The following LSAMP variants were observed in gnomAD, a reference collection of about 807,000 sequenced individuals.
LSAMP encodes the protein limbic system-associated membrane protein.
A neutral mutation model predicts 38.6 loss-of-function variants in LSAMP; 7 were observed. The observed-to-expected ratio is 0.18, with a 90% CI of 0.10 to 0.34. The LOEUF is 0.34. Among genes scored for constraint, LSAMP ranks in the 10% least tolerant of loss-of-function variants. The pLI is 1.00. For missense variants in LSAMP, 313 were observed against 420.0 expected, an observed-to-expected ratio of 0.75 and a Z score of 2.23; for synonymous variants, 154 against 166.8, an observed-to-expected ratio of 0.92 and a Z score of 0.59.
intron 1 of LSAMP, among the ~76,000 whole-genome samples, chr3:116,341,139 T>A (rs1356737070): frequency 1.3e-5 from 2 of 151,994 alleles, no homozygotes; most frequent in African/African-American, 4.8e-5. Flanking sequence ...ATAGATAAAA[T>A]GGAGTCTCTA....
chr3:115,875,790 G>T (rs566642016), intron 3 of LSAMP, among the ~76,000 whole-genome samples: 43 of 152,040 alleles, frequency 2.8e-4, no homozygotes, highest in Middle Eastern at 3.4e-3. Context: ...CCATCTACAT[G>T]AACACAAGCT....
intron 1 of LSAMP, among the ~76,000 whole-genome samples, chr3:116,299,422 CACTG>C (rs1276427288): frequency 3.3e-5 from 5 of 152,226 alleles, no homozygotes; most frequent in Non-Finnish European, 5.9e-5. Context: ...TTTCAATATC[CACTG>C]ACTGACTGAG....
chr3:116,402,697 G>C (rs893358337), intron 1 of LSAMP, among the ~76,000 whole-genome samples: 1 of 151,780 alleles, frequency 6.6e-6, no homozygotes, highest in Non-Finnish European at 1.5e-5. Context: ...TGACTGGGCT[G>C]ATTTATTCAG....
chr3:116,408,604 T>C (rs1001723985), intron 1 of LSAMP, among the ~76,000 whole-genome samples: 1 of 152,050 alleles, frequency 6.6e-6, no homozygotes, highest in African/African-American at 2.4e-5. Context: ...AAAATAGGCA[T>C]GTAATCCTCA....
chr3:116,097,856 C>T (rs1708258375), intron 1 of LSAMP, among the ~76,000 whole-genome samples: 3 of 151,986 alleles, frequency 2.0e-5, no homozygotes, highest in South Asian at 2.1e-4. Context: ...CTGCCTCAGC[C>T]TCACAAGTAG....
intron 1 of LSAMP, among the ~76,000 whole-genome samples, chr3:116,291,118 T>TTTGTCTC (rs936018561): frequency 6.6e-6 from 1 of 152,230 alleles, no homozygotes; most frequent in Non-Finnish European, 1.5e-5. Flanking sequence ...CTTGTTCCTC[T>TTTGTCTC]TTGTCTCCTT....
At chr3:116,164,760 A>ATATATATATTT (rs374542146) in intron 1 of LSAMP, among the ~76,000 whole-genome samples, 1 of 91,642 alleles carries the variant, frequency 1.1e-5, no homozygotes, top group Non-Finnish European at 2.0e-5. Context: ...ATATATATAT[A>ATATATATATTT]TTTTTTTTTT....
chr3:116,261,204 T>C (rs563868979), intron 1 of LSAMP, among the ~76,000 whole-genome samples: 1 of 152,320 alleles, frequency 6.6e-6, no homozygotes, highest in African/African-American at 2.4e-5. Context: ...TTTATTCTTC[T>C]AATCTTTCCT....
intron 1 of LSAMP, among the ~76,000 whole-genome samples, chr3:116,442,132 C>CAAT (rs1559869656): frequency 1.3e-5 from 2 of 151,958 alleles, no homozygotes; most frequent in Admixed American, 1.3e-4. Context: ...CATAATTACA[C>CAAT]TAAAGATCAT....
intron 1 of LSAMP, among the ~76,000 whole-genome samples, chr3:116,143,208 C>A (rs1920368): frequency 0.97 from 147,472 of 151,832 alleles, 71,763 homozygotes; most frequent in East Asian, 1. Context: ...TTCTGAATAA[C>A]GTGATTAAAA....
intron 1 of LSAMP, among the ~76,000 whole-genome samples, chr3:116,172,597 T>C (rs1559769527): frequency 6.6e-6 from 1 of 152,058 alleles, no homozygotes; most frequent in African/African-American, 2.4e-5. Context: ...AGAAAGATGG[T>C]AGCAATGTTG....
chr3:116,214,418 G>A (rs1410914660), intron 1 of LSAMP, among the ~76,000 whole-genome samples: 7 of 151,692 alleles, frequency 4.6e-5, no homozygotes, highest in Non-Finnish European at 1.0e-4. Context: ...AAAAAGCCAG[G>A]AATCAGGTTA....
chr3:116,275,051 AAAATAAATAAAT>A (rs151230549), intron 1 of LSAMP, among the ~76,000 whole-genome samples: 54 of 151,790 alleles, frequency 3.6e-4, no homozygotes, highest in Non-Finnish European at 3.5e-4. Flanking sequence ...AAAGGATTTA[AAAATAAATAAAT>A]AAATAAATAA....
At position 116,250,264 on chromosome 3, in the gene LSAMP, G is replaced by T. The variant is rs376311099; in HGVS notation, c.156-163708C>A. 1.1e-4 allele frequency among the ~76,000 whole-genome samples: 16 copies of T among 152,208 alleles called. No individual in the cohort carries two copies. The East Asian group carries it at 2.9e-3, about 28-fold the overall frequency. On this transcript the variant is annotated intron_variant, in intron 1 of 6. Transcript: ENST00000490035. ...CCTACAAGTACTTGTTTCAAGTAAGGTAACATATTTTTTTTGCTGCCTGAA... is the reference window on the plus strand; with the variant it reads ...CCTACAAGTACTTGTTTCAAGTAAGTTAACATATTTTTTTTGCTGCCTGAA...
At chr3:116,287,837 T>G (rs2047213442) in intron 1 of LSAMP, among the ~76,000 whole-genome samples, 1 of 152,140 alleles carries the variant, frequency 6.6e-6, no homozygotes, top group African/African-American at 2.4e-5. Context: ...AGCTGTTAGT[T>G]TGCCCTCAAC....
At chr3:115,988,932 A>G (rs1488042689) in intron 3 of LSAMP, among the ~76,000 whole-genome samples, 4 of 152,080 alleles carry the variant, frequency 2.6e-5, no homozygotes, top group Admixed American at 1.3e-4. Flanking sequence ...ATTCTCGAGG[A>G]TGTTTTGACT....
Position 116,445,270 on chromosome 3 carries a change from T to C in LSAMP, c.-239A>G, listed in dbSNP as rs2049496120. 3 of 586,632 alleles carry C rather than the reference T, an allele frequency of 5.1e-6. No individual in the cohort carries two copies. The highest frequency in any genetic ancestry group is 9.1e-6 in the Non-Finnish European group (3 of 331,028). 36.3% of individuals were successfully genotyped at this position (586,632 alleles called of 1,614,324 possible). A position where few individuals can be genotyped will look rare whatever the true frequency, so the allele number is the denominator to read the frequency against. On this transcript the variant is annotated 5_prime_UTR_variant, in exon 1 of 7. Coordinates refer to ENST00000490035, the MANE Select transcript of LSAMP (RefSeq NM_002338.5). ...GGGTGAAAAGTAAAAGCAACACAAT[T>C]TCAAAAGAGAGAGTGCAAATAGCAA...
chr3:116,173,150 G>T (rs1340284446), intron 1 of LSAMP, among the ~76,000 whole-genome samples: 1 of 151,934 alleles, frequency 6.6e-6, no homozygotes, highest in African/African-American at 2.4e-5. Flanking sequence ...GCACATCCCT[G>T]CAATCTTAAC....
chr3:116,137,651 A>G (rs1345343729), intron 1 of LSAMP, among the ~76,000 whole-genome samples: 1 of 152,152 alleles, frequency 6.6e-6, no homozygotes, highest in Non-Finnish European at 1.5e-5. Context: ...CAGCTAATCA[A>G]TTTATTCTGA....
Sources: gnomAD v4.1 joint callset for allele counts (sites outside exome capture counted in the v4.1 genomes callset) on GRCh38, gnomAD v4.1.1 for gene constraint, MANE v1.5 for transcripts, NCBI Gene and HGNC (gene_info 2026-07-23, HGNC 2026-07-21) for gene names.